Variants in KCNT2 observed in about 807,000 individuals in gnomAD.
KCNT2 encodes potassium sodium-activated channel subfamily T member 2.
Under a neutral mutation model 153.8 loss-of-function variants are expected in KCNT2, and 67 were observed. The ratio of observed to expected loss-of-function variants is 0.44; its 90% confidence interval spans 0.36 to 0.53. KCNT2 has a LOEUF of 0.53. Among genes scored for constraint, KCNT2 ranks in the 20% least tolerant of loss-of-function variants. The pLI is 0.00. For synonymous variants in KCNT2, 500 were observed against 458.8 expected (o/e 1.09, Z -1.15); for missense variants, 975 against 1,354.8 (o/e 0.72, Z 4.40).
At chr1:196,507,562 T>C (rs1307481641) in intron 1 of KCNT2, among the ~76,000 whole-genome samples, 1 of 152,078 alleles carries the variant, frequency 6.6e-6, no homozygotes, top group Non-Finnish European at 1.5e-5. Flanking sequence ...ACTCAGCAAT[T>C]TTATTCTATC....
intron 5 of KCNT2, among the ~76,000 whole-genome samples, chr1:196,478,389 C>T (rs1678716138): frequency 6.6e-6 from 1 of 152,126 alleles, no homozygotes; most frequent in Non-Finnish European, 1.5e-5. Flanking sequence ...AGTCATCTTC[C>T]ATCAACTTAA....
At chr1:196,593,881 A>G (rs1663724563) in intron 1 of KCNT2, among the ~76,000 whole-genome samples, 1 of 152,100 alleles carries the variant, frequency 6.6e-6, no homozygotes, top group East Asian at 1.9e-4. Flanking sequence ...TTCTTCAAGA[A>G]AATCATTCTT....
rs569109369 is a variant in KCNT2 at position 196,393,601 on chromosome 1, A to ATGTG, written c.1294+4958_1294+4961dup. 5.3e-5 allele frequency among the ~76,000 whole-genome samples: 8 copies of ATGTG among 150,710 alleles called. No homozygotes were observed. The South Asian group carries it at 6.3e-4, about 12-fold the overall frequency. The stretch of plus-strand genomic sequence containing the variant: ...TTTTTGTTTTGGGGTGTGTGCATGT[A>ATGTG]TGTGTGTGTGTGTGCATTTAATGAT... On this transcript the variant is annotated intron_variant, in intron 13 of 27. Transcript: ENST00000294725.
chr1:196,600,775 T>G (rs1479939647), intron 1 of KCNT2, among the ~76,000 whole-genome samples: 1 of 152,200 alleles, frequency 6.6e-6, no homozygotes, highest in Non-Finnish European at 1.5e-5. Flanking sequence ...GCTGATACCT[T>G]TAAAATTTCA....
At chr1:196,548,472 T>A (rs999365156) in intron 1 of KCNT2, among the ~76,000 whole-genome samples, 5 of 152,138 alleles carry the variant, frequency 3.3e-5, no homozygotes, top group African/African-American at 1.2e-4. Context: ...CTCACACCAG[T>A]TAGAATGGCA....
intron 8 of KCNT2, among the ~76,000 whole-genome samples, chr1:196,453,771 A>G (rs993812115): frequency 4.6e-5 from 7 of 151,946 alleles, no homozygotes; most frequent in African/African-American, 1.2e-4. Context: ...TATAGTTTTT[A>G]TCGGTACTCA....
chr1:196,241,563 T>A (rs578083491), intron 26 of KCNT2, among the ~76,000 whole-genome samples: 88 of 152,222 alleles, frequency 5.8e-4, no homozygotes, highest in Admixed American at 2.6e-3. Flanking sequence ...ATTTTCATTA[T>A]CATTCAAAGA....
At position 196,519,837 on chromosome 1, in the gene KCNT2, A is replaced by G. The variant is rs767618909; in HGVS notation, c.96-27496T>C. 3.7e-4 allele frequency among the ~76,000 whole-genome samples: 57 copies of G among 152,266 alleles called. 1 individual carries two copies. The highest frequency in any genetic ancestry group is 6.9e-4 in the Non-Finnish European group (47 of 68,018). ...ATACACAAAAAAAGCCCAAGACCAG[A>G]AAGATTCACAGCTGAATTCTACCAG... On this transcript the variant is annotated intron_variant, in intron 1 of 27. Coordinates refer to ENST00000294725, the MANE Select transcript of KCNT2 (RefSeq NM_198503.5).
At position 196,326,164 on chromosome 1, in the gene KCNT2, C is replaced by T. The variant is rs1305470374; in HGVS notation, c.2276+553G>A. On this transcript the variant is annotated intron_variant, in intron 19 of 27. Coordinates refer to ENST00000294725, the MANE Select transcript of KCNT2 (RefSeq NM_198503.5). ...AAGAATTTTGAATTGCTTAAGTAGTCCTATTTAACAAAAGTAAACCAATCC... is the reference window on the plus strand; with the variant it reads ...AAGAATTTTGAATTGCTTAAGTAGTTCTATTTAACAAAAGTAAACCAATCC... Among the ~76,000 whole-genome samples, 3 of 152,106 alleles carry T rather than the reference C, an allele frequency of 2.0e-5. No homozygotes were observed. In the East Asian group the frequency reaches 5.8e-4, roughly 29 times the overall value.
chr1:196,259,779 C>A (rs1656837481), intron 25 of KCNT2, among the ~76,000 whole-genome samples: 1 of 151,732 alleles, frequency 6.6e-6, no homozygotes, highest in East Asian at 1.9e-4. Flanking sequence ...GAGGGATATC[C>A]AAAAAATCTT....
chr1:196,516,120 C>T (rs1184328527), intron 1 of KCNT2, among the ~76,000 whole-genome samples: 1 of 152,190 alleles, frequency 6.6e-6, no homozygotes, highest in Non-Finnish European at 1.5e-5. Context: ...GGCTGAGCAG[C>T]ATTGGTCTGC....
chr1:196,465,292 C>T lies in KCNT2; in HGVS notation c.638+1G>A, dbSNP rs1052753656. 3 of 1,466,714 alleles carry T rather than the reference C, an allele frequency of 2.0e-6. No individual in the cohort carries two copies. The highest frequency in any genetic ancestry group is 2.9e-6 in the Non-Finnish European group (3 of 1,049,570). 90.9% of individuals were successfully genotyped at this position (1,466,714 alleles called of 1,614,324 possible). A position where few individuals can be genotyped will look rare whatever the true frequency, so the allele number is the denominator to read the frequency against. On this transcript the variant is annotated splice_donor_variant, in intron 8 of 27. Coordinates refer to ENST00000294725, the MANE Select transcript of KCNT2 (RefSeq NM_198503.5). LOFTEE classifies it high-confidence loss of function. ...ACAAATTCTGATATGTACAATCTTA[C>T]CAGGTGAAGATAAGGCATAGTAATG...
intron 14 of KCNT2, among the ~76,000 whole-genome samples, chr1:196,369,313 TTTTA>T (rs1233367928): frequency 1.3e-5 from 2 of 152,130 alleles, no homozygotes; most frequent in African/African-American, 2.4e-5. Context: ...ATAAATTTTT[TTTTA>T]TTTATTTTTG....
At chr1:196,354,919 T>C (rs1334905284) in intron 14 of KCNT2, among the ~76,000 whole-genome samples, 1 of 151,768 alleles carries the variant, frequency 6.6e-6, no homozygotes, top group Non-Finnish European at 1.5e-5. Flanking sequence ...ATTTAAATGG[T>C]ATTACAATTT....
At chr1:196,406,480 T>A (rs891081341) in intron 12 of KCNT2, among the ~76,000 whole-genome samples, 3 of 151,036 alleles carry the variant, frequency 2.0e-5, no homozygotes, top group African/African-American at 7.3e-5. Context: ...TAGCTGGCTA[T>A]CAGAAAGTAG....
At chr1:196,261,444 G>A (rs1657016824) in intron 25 of KCNT2, among the ~76,000 whole-genome samples, 1 of 151,884 alleles carries the variant, frequency 6.6e-6, no homozygotes. Context: ...ATAGTAAGAT[G>A]TCTGTCTTAG....
intron 21 of KCNT2, among the ~76,000 whole-genome samples, chr1:196,308,909 G>A (rs1457793264): frequency 2.0e-5 from 3 of 151,858 alleles, no homozygotes; most frequent in African/African-American, 7.3e-5. Flanking sequence ...CTTCAATTTA[G>A]CCTTAATGAA....
chr1:196,350,298 G>A (rs1230541349), intron 14 of KCNT2, among the ~76,000 whole-genome samples: 1 of 152,068 alleles, frequency 6.6e-6, no homozygotes, highest in Non-Finnish European at 1.5e-5. Flanking sequence ...TTCCACAATG[G>A]TTGAACTAGT....
chr1:196,554,822 G>T (rs1211955831), intron 1 of KCNT2, among the ~76,000 whole-genome samples: 1 of 151,186 alleles, frequency 6.6e-6, no homozygotes, highest in Non-Finnish European at 1.5e-5. Flanking sequence ...GGGATGAAAA[G>T]TTGGGTCAAC....
Sources: gnomAD v4.1 joint callset for allele counts (sites outside exome capture counted in the v4.1 genomes callset) on GRCh38, gnomAD v4.1.1 for gene constraint, MANE v1.5 for transcripts, NCBI Gene and HGNC (gene_info 2026-07-23, HGNC 2026-07-21) for gene names.